The following NEGR1 variants were observed in gnomAD, a reference collection of about 807,000 sequenced individuals.
The protein encoded by NEGR1 is IgLON family member 4.
In NEGR1, 10 loss-of-function variants were observed where a neutral mutation model predicts 40.9. The observed-to-expected ratio is 0.24, with a 90% CI of 0.15 to 0.42. The LOEUF is 0.42. Among genes scored for constraint, NEGR1 ranks in the 10% least tolerant of loss-of-function variants. NEGR1 has a pLI of 1.00. For synonymous variants in NEGR1, 185 were observed against 166.8 expected (o/e 1.11, Z -0.84); for missense variants, 352 against 438.9 (o/e 0.80, Z 1.77).
chr1:71,413,126 G>A (rs1200851666), intron 6 of NEGR1, among the ~76,000 whole-genome samples: 2 of 152,148 alleles, frequency 1.3e-5, no homozygotes, highest in African/African-American at 2.4e-5. Context: ...GCTGAGTTCA[G>A]TATCTTCATT....
chr1:71,841,846 A>T (rs1398200971), intron 2 of NEGR1, among the ~76,000 whole-genome samples: 1 of 152,104 alleles, frequency 6.6e-6, no homozygotes, highest in African/African-American at 2.4e-5. Flanking sequence ...TGCTTTTTAT[A>T]TTGTCAACTA....
chr1:71,667,861 G>T (rs534392050), intron 4 of NEGR1, among the ~76,000 whole-genome samples: 53 of 152,200 alleles, frequency 3.5e-4, no homozygotes, highest in African/African-American at 1.2e-3. Context: ...AGGTTGCAAA[G>T]AATTAATCTT....
intron 3 of NEGR1, among the ~76,000 whole-genome samples, chr1:71,701,354 C>T (rs7531512): frequency 0.073 from 11,119 of 151,906 alleles, 498 homozygotes; most frequent in East Asian, 0.13. Flanking sequence ...AGCTTACAGC[C>T]ATTTCCAGCT....
chr1:71,657,650 T>C (rs2101587801), intron 4 of NEGR1, among the ~76,000 whole-genome samples: 1 of 152,194 alleles, frequency 6.6e-6, no homozygotes, highest in African/African-American at 2.4e-5. Flanking sequence ...TGCCAACAAG[T>C]AGGAAAACAA....
Position 71,556,092 on chromosome 1 carries a change from G to A in NEGR1, c.940+36725C>T, listed in dbSNP as rs1048239834. Among the ~76,000 whole-genome samples the A allele has an allele frequency of 4.0e-5, 6 of 151,238 alleles. No homozygotes were observed. The East Asian group carries it at 1.2e-3, about 30-fold the overall frequency. ...TAGAGAATATTACTTAATATACCAT[G>A]AGATGTCATTTACTAGACCTCTTCA... is the stretch of plus-strand genomic sequence containing the variant. On this transcript the variant is annotated intron_variant, in intron 6 of 6. Transcript: ENST00000357731.
Position 71,921,703 on chromosome 1 carries a change from A to AATATATAT in NEGR1, c.409+13368_409+13375dup, listed in dbSNP as rs61614174. The stretch of plus-strand genomic sequence containing the variant: ...ATATATAGAATAGATACAGTACAAG[A>AATATATAT]ATATATATATATATATATATATATA... On this transcript the variant is annotated intron_variant, in intron 2 of 6. Transcript: ENST00000357731. Among the ~76,000 whole-genome samples, 766 of 133,952 alleles carry AATATATAT rather than the reference A, an allele frequency of 5.7e-3. 4 individuals are homozygous for AATATATAT. The highest frequency in any genetic ancestry group is 0.019 in the African/African-American group (685 of 36,900). The allele number at this position is 133,952 out of a possible 152,430, so 87.9% of individuals were successfully genotyped here. A position where few individuals can be genotyped will look rare whatever the true frequency, so the allele number is the denominator to read the frequency against.
At chr1:71,471,871 G>A (rs940592237) in intron 6 of NEGR1, among the ~76,000 whole-genome samples, 1 of 151,954 alleles carries the variant, frequency 6.6e-6, no homozygotes, top group Non-Finnish European at 1.5e-5. Flanking sequence ...ACAGAACAAC[G>A]TCCCGGTATT....
At chr1:71,991,153 C>G (rs1245611484) in intron 1 of NEGR1, among the ~76,000 whole-genome samples, 1 of 152,070 alleles carries the variant, frequency 6.6e-6, no homozygotes, top group South Asian at 2.1e-4. Context: ...TAAATGCTTA[C>G]AAGGACTATT....
At chr1:71,460,400 G>T (rs1646706435) in intron 6 of NEGR1, among the ~76,000 whole-genome samples, 1 of 152,144 alleles carries the variant, frequency 6.6e-6, no homozygotes, top group African/African-American at 2.4e-5. Flanking sequence ...CTTACTCACA[G>T]CTCTGCAAGT....
chr1:71,774,028 C>T (rs1460466432), intron 3 of NEGR1, among the ~76,000 whole-genome samples: 2 of 152,112 alleles, frequency 1.3e-5, no homozygotes, highest in African/African-American at 4.8e-5. Context: ...ATTACCATAT[C>T]AGATTTAAAT....
At chr1:72,013,713 A>G (rs1275947901) in intron 1 of NEGR1, among the ~76,000 whole-genome samples, 1 of 151,962 alleles carries the variant, frequency 6.6e-6, no homozygotes, top group East Asian at 1.9e-4. Flanking sequence ...GAATGGAAAT[A>G]CCAATTTTGA....
intron 6 of NEGR1, among the ~76,000 whole-genome samples, chr1:71,441,665 C>T (rs962327795): frequency 1.3e-5 from 2 of 152,050 alleles, no homozygotes; most frequent in African/African-American, 4.8e-5. Flanking sequence ...AATGTTATCA[C>T]GTATACTAGA....
In NEGR1 at chr1:71,455,474, C is replaced by G. The variant is rs1311341159; in HGVS notation, c.941-47904G>C. Among the ~76,000 whole-genome samples, 3 of 152,188 alleles carry G rather than the reference C, an allele frequency of 2.0e-5. No homozygotes were observed. In the South Asian group the frequency reaches 6.2e-4, roughly 31 times the overall value. ...AGGCACAGTGGCTCACGCCTGTAAT[C>G]TCGGCACTTTGGGAGGATGAGGCAG... On this transcript the variant is annotated intron_variant, in intron 6 of 6. Coordinates refer to ENST00000357731, the MANE Select transcript of NEGR1 (RefSeq NM_173808.3).
chr1:72,144,074 GA>G (rs200103133), intron 1 of NEGR1, among the ~76,000 whole-genome samples: 1 of 2,764 alleles, frequency 3.6e-4, no homozygotes. Flanking sequence ...TGTGAGGTAA[GA>G]TTTTTTTTTT....
intron 1 of NEGR1, among the ~76,000 whole-genome samples, chr1:71,988,955 CTA>C (rs1272558224): frequency 2.4e-5 from 3 of 123,942 alleles, no homozygotes; most frequent in Non-Finnish European, 4.7e-5. Flanking sequence ...AAAAGGCTTT[CTA>C]TGTTCTGAAG....
At chr1:71,887,992 GACAC>G (rs57794150) in intron 2 of NEGR1, among the ~76,000 whole-genome samples, 9,444 of 138,056 alleles carry the variant, frequency 0.068, 564 homozygotes, top group African/African-American at 0.16. Flanking sequence ...CTTTTGAAAG[GACAC>G]ACACACACAC....
At chr1:71,590,991 T>C (rs1299607493) in intron 6 of NEGR1, among the ~76,000 whole-genome samples, 2 of 152,142 alleles carry the variant, frequency 1.3e-5, no homozygotes, top group East Asian at 3.8e-4. Context: ...TTAAAGAACT[T>C]ATAATTTGAT....
intron 1 of NEGR1, among the ~76,000 whole-genome samples, chr1:72,245,692 T>C (rs1654880364): frequency 6.6e-6 from 1 of 152,184 alleles, no homozygotes; most frequent in South Asian, 2.1e-4. Flanking sequence ...GAAATGTATT[T>C]AAATGAGAGA....
intron 1 of NEGR1, among the ~76,000 whole-genome samples, chr1:72,192,407 T>C (rs1019302957): frequency 1.3e-5 from 2 of 151,896 alleles, no homozygotes; most frequent in Non-Finnish European, 2.9e-5. Context: ...TTTTGGCAGA[T>C]AGTAAAATAC....
Sources: gnomAD v4.1 joint callset for allele counts (sites outside exome capture counted in the v4.1 genomes callset) on GRCh38, gnomAD v4.1.1 for gene constraint, MANE v1.5 for transcripts, NCBI Gene and HGNC (gene_info 2026-07-23, HGNC 2026-07-21) for gene names.